RAB18: variants seen among roughly 807,000 people sequenced by gnomAD.
The protein encoded by RAB18 is RAB18, member RAS oncogene family, also known as ras-related protein Rab-18.
RAB18 carries 10 observed loss-of-function variants against 28.5 expected under a neutral mutation model. The ratio of observed to expected loss-of-function variants is 0.35; its 90% CI spans 0.22 to 0.60. The LOEUF is 0.60. RAB18 is among the 20% of genes least tolerant of loss of function. The pLI is 0.78. For synonymous variants in RAB18, 93 were observed against 86.9 expected, an observed-to-expected ratio of 1.07 and a Z score of -0.39; for missense variants, 188 against 244.2, an observed-to-expected ratio of 0.77 and a Z score of 1.53.
rs1025717436 is a variant in RAB18 at position 27,534,095 on chromosome 10, A to T, written c.445+101A>T. On this transcript the variant is annotated intron_variant, in intron 6 of 6. Coordinates refer to ENST00000356940, the MANE Select transcript of RAB18 (RefSeq NM_021252.5). ...TCTTTATGAACCATAAAATGTGTTTAGAGTATTGTTCCTAGTTGCCTTGTG... is the reference window on the plus strand; with the variant it reads ...TCTTTATGAACCATAAAATGTGTTTTGAGTATTGTTCCTAGTTGCCTTGTG... The T allele has an allele frequency of 1.7e-5, 20 of 1,164,684 alleles. 1 individual carries two copies. The highest frequency in any genetic ancestry group is 1.9e-4 in the Middle Eastern group (1 of 5,154). The allele number at this position is 1,164,684 out of a possible 1,614,324, so 72.1% of individuals were successfully genotyped here. A position where few individuals can be genotyped will look rare whatever the true frequency, so the allele number is the denominator to read the frequency against.
At chr10:27,511,634 C>T (rs1400943555) in intron 2 of RAB18, among the ~76,000 whole-genome samples, 3 of 152,116 alleles carry the variant, frequency 2.0e-5, no homozygotes, top group Non-Finnish European at 1.5e-5. Flanking sequence ...ATGTCCTTAA[C>T]GGTTAGATTC....
At chr10:27,524,565 A>G (rs1589577327) in intron 2 of RAB18, among the ~76,000 whole-genome samples, 1 of 152,254 alleles carries the variant, frequency 6.6e-6, no homozygotes, top group East Asian at 1.9e-4. Flanking sequence ...GATTCTTGCA[A>G]AGAAACTGAA....
chr10:27,541,998 C>T lies in RAB18; in HGVS notation c.*3947C>T. ...AGACTACTGAGATAAAGATGTTTGC[C>T]TAGGCTTTTTCAGGAGCAATTGAAG... On this transcript the variant is annotated 3_prime_UTR_variant, in exon 7 of 7. Transcript: ENST00000356940. The T allele has an allele frequency of 1.5e-5, 7 of 454,014 alleles. No homozygotes were observed. The highest frequency in any genetic ancestry group is 2.0e-5 in the African/African-American group (1 of 50,084). 28.1% of individuals were successfully genotyped at this position (454,014 alleles called of 1,614,324 possible). A position where few individuals can be genotyped will look rare whatever the true frequency, so the allele number is the denominator to read the frequency against.
chr10:27,522,960 T>C (rs1834591453), intron 2 of RAB18, among the ~76,000 whole-genome samples: 1 of 152,054 alleles, frequency 6.6e-6, no homozygotes, highest in Admixed American at 6.5e-5. Flanking sequence ...GAAGCAACTT[T>C]TGGATTCATT....
At chr10:27,526,469 C>T (rs1005656812) in intron 2 of RAB18, among the ~76,000 whole-genome samples, 1 of 152,166 alleles carries the variant, frequency 6.6e-6, no homozygotes, top group African/African-American at 2.4e-5. Context: ...TGGAAGCTGC[C>T]ATGACCCACA....
chr10:27,537,570 A>T (rs1834925282), intron 6 of RAB18, among the ~76,000 whole-genome samples: 1 of 152,238 alleles, frequency 6.6e-6, no homozygotes, highest in Admixed American at 6.5e-5. Context: ...CTGAAAGCTT[A>T]AGGAAAAAAC....
At chr10:27,525,992 C>T (rs899828059) in intron 2 of RAB18, among the ~76,000 whole-genome samples, 3 of 152,180 alleles carry the variant, frequency 2.0e-5, no homozygotes, top group African/African-American at 7.2e-5. Flanking sequence ...GTGGGGTAGA[C>T]TGAACTCTTG....
intron 1 of RAB18, among the ~76,000 whole-genome samples, 177 bp from the exon 2 acceptor site, chr10:27,509,698 T>A (rs962455702): frequency 1.3e-5 from 2 of 152,200 alleles, no homozygotes; most frequent in Non-Finnish European, 2.9e-5. Context: ...TTAAATTGCC[T>A]TTCTGGTAAT....
At position 27,509,921 on chromosome 10, in the gene RAB18, G is replaced by T; in HGVS notation, c.115G>T (p.Ala39Ser). Residue 39 changes from alanine (A) to serine (S), a missense_variant, in exon 2 of 7, where the codon GCA (alanine) becomes TCA (serine). By Grantham distance (99) the Ala-to-Ser change is moderately conservative (BLOSUM62 1). Transcript: ENST00000356940. ...TDDTFDPELA[A>S]TIGVDFKVKT... ...TGATACGTTTGATCCAGAACTTGCA[G>T]CAACAATAGGTAAGCCTGTGTTTAA... 1 of 1,610,794 alleles carries T rather than the reference G, an allele frequency of 6.2e-7. No homozygotes were observed. The highest frequency in any genetic ancestry group is 8.5e-7 in the Non-Finnish European group (1 of 1,177,184).
In RAB18 at chr10:27,539,149, C is replaced by CT; in HGVS notation, c.*1103dup. 2.8e-6 allele frequency: 1 copy of CT among 360,074 alleles called. No individual in the cohort carries two copies. Among genetic ancestry groups the CT allele is most frequent in the South Asian group, 2.1e-5 (1 of 46,860 alleles). 22.3% of individuals were successfully genotyped at this position (360,074 alleles called of 1,614,324 possible). A position where few individuals can be genotyped will look rare whatever the true frequency, so the allele number is the denominator to read the frequency against. ...AACCAACTTGTACAGACTAATAAAT[C>CT]TTTTTCACAGTATTCAGTTTTCTCA... On this transcript the variant is annotated 3_prime_UTR_variant, in exon 7 of 7. Transcript: ENST00000356940.
intron 3 of RAB18, among the ~76,000 whole-genome samples, chr10:27,530,825 G>C (rs768801620): frequency 6.6e-6 from 1 of 151,382 alleles, no homozygotes; most frequent in Non-Finnish European, 1.5e-5. Flanking sequence ...CTGCAAATTT[G>C]GGTTTTGATT....
chr10:27,504,531 C>G (rs1837753966), intron 1 of RAB18, 94 bp downstream of exon 1: 3 of 1,398,926 alleles, frequency 2.1e-6, no homozygotes, highest in Non-Finnish European at 3.0e-6. Flanking sequence ...CTGTAAACTG[C>G]AGCGGCGGGC....
At chr10:27,515,834 C>T (rs563076320) in intron 2 of RAB18, among the ~76,000 whole-genome samples, 105 of 152,234 alleles carry the variant, frequency 6.9e-4, no homozygotes, top group African/African-American at 2.5e-3. Flanking sequence ...ATCCTCCTTC[C>T]TTCTTTATCA....
intron 3 of RAB18, 150 bp downstream of exon 3, chr10:27,527,039 T>A (rs1297164847): frequency 2.3e-6 from 2 of 859,702 alleles, no homozygotes; most frequent in South Asian, 2.6e-5. Flanking sequence ...GGATAAACAG[T>A]AATGTCTTAT....
chr10:27,532,412 A>G (rs1354370429), intron 3 of RAB18, 95 bp from the exon 4 acceptor site: 3 of 915,652 alleles, frequency 3.3e-6, no homozygotes, highest in African/African-American at 3.4e-5. Context: ...CATTAATACT[A>G]TTTTTAGTAA....
chr10:27,509,335 T>C (rs999527380), intron 1 of RAB18, among the ~76,000 whole-genome samples: 9 of 152,202 alleles, frequency 5.9e-5, no homozygotes, highest in Non-Finnish European at 1.5e-5. Flanking sequence ...TACTCTGTCC[T>C]GTGATCTTTC....
At chr10:27,515,125 G>C (rs1016282974) in intron 2 of RAB18, among the ~76,000 whole-genome samples, 1 of 152,082 alleles carries the variant, frequency 6.6e-6, no homozygotes, top group African/African-American at 2.4e-5. Context: ...AGGAGTGTTT[G>C]ATAAAAGATA....
intron 2 of RAB18, among the ~76,000 whole-genome samples, chr10:27,522,582 A>G (rs1312347113): frequency 6.6e-6 from 1 of 152,046 alleles, no homozygotes; most frequent in Non-Finnish European, 1.5e-5. Flanking sequence ...TTTGCTATTT[A>G]TTTCCTTAAA....
intron 3 of RAB18, 108 bp downstream of exon 3, chr10:27,526,997 A>C (rs746526269): frequency 8.2e-7 from 1 of 1,219,498 alleles, no homozygotes; most frequent in African/African-American, 1.5e-5. Flanking sequence ...ATTTGTATTA[A>C]ATAACTTTTG....
Sources: gnomAD v4.1 joint callset for allele counts (sites outside exome capture counted in the v4.1 genomes callset) on GRCh38, gnomAD v4.1.1 for gene constraint, MANE v1.5 for transcripts, NCBI Gene and HGNC (gene_info 2026-07-23, HGNC 2026-07-21) for gene names.